The following SPTLC1 variants were observed in gnomAD, a reference collection of about 807,000 sequenced individuals.
The protein encoded by SPTLC1 is serine palmitoyltransferase 1.
Under a neutral mutation model 68.9 loss-of-function variants are expected in SPTLC1, and 55 were observed. The observed-to-expected ratio is 0.80, with a 90% CI of 0.64 to 1.00. The LOEUF is 1.00. SPTLC1 is among the 50% of genes least tolerant of loss of function. SPTLC1 has a pLI of 0.00. For synonymous variants in SPTLC1, 197 were observed against 201.6 expected (o/e 0.98, Z 0.19); for missense variants, 449 against 573.1 (o/e 0.78, Z 2.21).
At chr9:92,114,427 TTAAC>T (rs1320197994) in intron 1 of SPTLC1, among the ~76,000 whole-genome samples, 1 of 152,090 alleles carries the variant, frequency 6.6e-6, no homozygotes, top group African/African-American at 2.4e-5. Flanking sequence ...CAAAAAACTC[TTAAC>T]TATTCTTCCT....
At chr9:92,060,730 C>G (rs1346482477) in intron 6 of SPTLC1, among the ~76,000 whole-genome samples, 1 of 149,190 alleles carries the variant, frequency 6.7e-6, no homozygotes, top group East Asian at 2.0e-4. Flanking sequence ...CATGGTGAAA[C>G]CCCATCTCTA....
At chr9:92,082,790 T>C (rs1452860647) in intron 3 of SPTLC1, among the ~76,000 whole-genome samples, 2 of 151,442 alleles carry the variant, frequency 1.3e-5, no homozygotes, top group African/African-American at 4.9e-5. Flanking sequence ...GTATTTCTAG[T>C]TCTAGATCCC....
chr9:92,052,490 A>G (rs1193357585), intron 8 of SPTLC1, among the ~76,000 whole-genome samples: 1 of 152,188 alleles, frequency 6.6e-6, no homozygotes, highest in African/African-American at 2.4e-5. Flanking sequence ...GAAACATAGC[A>G]ATAAATCTTG....
At chr9:92,054,496 C>A (rs745893540) in intron 8 of SPTLC1, among the ~76,000 whole-genome samples, 2 of 152,166 alleles carry the variant, frequency 1.3e-5, no homozygotes, top group Non-Finnish European at 2.9e-5. Context: ...TATTCCGTAT[C>A]TTGACTGTGG....
intron 2 of SPTLC1, chr9:92,109,781 T>G (rs1248507895): frequency 6.6e-6 from 1 of 152,334 alleles, no homozygotes; most frequent in Non-Finnish European, 1.5e-5. Context: ...GAGACCAGCC[T>G]GACCAACATG....
At chr9:92,069,492 T>A (rs559626923) in intron 5 of SPTLC1, among the ~76,000 whole-genome samples, 1 of 152,334 alleles carries the variant, frequency 6.6e-6, no homozygotes, top group African/African-American at 2.4e-5. Context: ...TCTTCGAGTA[T>A]AAGACCTCTG....
chr9:92,089,139 G>A (rs758366509), intron 3 of SPTLC1, among the ~76,000 whole-genome samples: 3 of 152,102 alleles, frequency 2.0e-5, no homozygotes, highest in Non-Finnish European at 4.4e-5. Flanking sequence ...GGCTGGGCGT[G>A]GTGGCTCACA....
rs1290542896 is a variant in SPTLC1, at chr9:92,059,187, C to A, written c.682G>T (p.Asp228Tyr). The A allele has an allele frequency of 1.9e-6, 3 of 1,613,504 alleles. No individual in the cohort carries two copies. The highest frequency in any genetic ancestry group is 2.5e-6 in the Non-Finnish European group (3 of 1,179,786). Residue 228 changes from aspartate to tyrosine, a missense_variant, in exon 7 of 15, where the codon GAT becomes TAT. By Grantham distance (160) the Asp-to-Tyr change is radical. Around this residue, in one of 3 missense-constraint regions of SPTLC1, gnomAD observed 391 missense variants for 472.1 expected, o/e 0.83. Transcript: ENST00000262554. ...ERLLKEQEIE[D>Y]QKNPRKARVT... The stretch of plus-strand genomic sequence containing the variant: ...CTTCAAAAGAATCATACCTTTTGAT[C>A]TTCGATCTCTTGTTCTTTTAGTAGT...
Position 92,055,471 on chromosome 9 carries a change from A to C in SPTLC1, c.714T>G (p.Thr238=), listed in dbSNP as rs770882280. ...DQKNPRKARV[T]RRFIVVEGLY... ...ATCCTTCTACTACAATGAAACGCCG[A>C]GTTACACGAGCCTTGCGAGGATTCT... The change falls in exon 8 of 15, where the codon ACT becomes ACG. Residue 238 remains threonine, a synonymous_variant. Coordinates refer to ENST00000262554, the MANE Select transcript of SPTLC1 (RefSeq NM_006415.4). 5 of 1,613,786 alleles carry C rather than the reference A, an allele frequency of 3.1e-6. No individual in the cohort carries two copies. The highest frequency in any genetic ancestry group is 4.2e-6 in the Non-Finnish European group (5 of 1,179,974).
intron 2 of SPTLC1, among the ~76,000 whole-genome samples, chr9:92,112,222 C>T (rs376411253): frequency 5.3e-5 from 8 of 152,176 alleles, no homozygotes; most frequent in African/African-American, 1.9e-4. Flanking sequence ...TGCAAGACTG[C>T]TGTTTACTCC....
chr9:92,065,992 G>A (rs1451565627), intron 6 of SPTLC1, among the ~76,000 whole-genome samples: 2 of 152,172 alleles, frequency 1.3e-5, no homozygotes, highest in African/African-American at 2.4e-5. Context: ...CTTGAGGGAT[G>A]CCAGGCTCTG....
intron 3 of SPTLC1, among the ~76,000 whole-genome samples, chr9:92,097,477 C>T (rs746113108): frequency 2.6e-5 from 4 of 152,192 alleles, no homozygotes; most frequent in Non-Finnish European, 5.9e-5. Context: ...TGTATCCATA[C>T]ACTGAAATAT....
intron 5 of SPTLC1, among the ~76,000 whole-genome samples, chr9:92,074,663 C>A (rs114472402): frequency 6.6e-6 from 1 of 152,214 alleles, no homozygotes; most frequent in African/African-American, 2.4e-5. Context: ...TCTACTACAG[C>A]ATGGCCTCTT....
At chr9:92,045,524 T>TAAAAAAAAA (rs71362367) in intron 12 of SPTLC1, among the ~76,000 whole-genome samples, 5 of 31,616 alleles carry the variant, frequency 1.6e-4, no homozygotes, top group African/African-American at 5.6e-4. Context: ...TCTTGTGTAG[T>TAAAAAAAAA]AAAAAAAAAA....
At chr9:92,098,697 G>T (rs10116088) in intron 3 of SPTLC1, among the ~76,000 whole-genome samples, 16,301 of 151,662 alleles carry the variant, frequency 0.11, 1,863 homozygotes, top group African/African-American at 0.3. Flanking sequence ...AAGATGTGTA[G>T]GTTTCAAAAA....
chr9:92,077,127 C>G (rs1009105405), intron 5 of SPTLC1: 1 of 152,264 alleles, frequency 6.6e-6, no homozygotes, highest in African/African-American at 2.4e-5. Context: ...CTCTCCTACC[C>G]CTTGCACTCC....
chr9:92,070,281 C>T (rs942190931), intron 5 of SPTLC1: 10 of 152,216 alleles, frequency 6.6e-5, no homozygotes, highest in African/African-American at 2.2e-4. Context: ...CTTTGTGCAA[C>T]GAAGAAACTC....
intron 3 of SPTLC1, among the ~76,000 whole-genome samples, chr9:92,086,122 G>A (rs1239784316): frequency 6.6e-6 from 1 of 151,358 alleles, no homozygotes; most frequent in Non-Finnish European, 1.5e-5. Context: ...CTTTTATTTT[G>A]AGCCTATGTG....
At chr9:92,112,593 G>T in intron 1 of SPTLC1, 31 bp from the exon 2 acceptor site, 1 of 1,403,886 alleles carries the variant, frequency 7.1e-7, no homozygotes, top group South Asian at 1.2e-5. Flanking sequence ...AGTAAGATAT[G>T]AAACATACAC....
Sources: gnomAD v4.1 joint callset for allele counts (sites outside exome capture counted in the v4.1 genomes callset) on GRCh38, gnomAD v4.1.1 for gene constraint, gnomAD v4.1.1 regional missense constraint, MANE v1.5 for transcripts, NCBI Gene and HGNC (gene_info 2026-07-23, HGNC 2026-07-21) for gene names.